The following ACTR3 variants were observed in gnomAD, a reference collection of about 807,000 sequenced individuals.
ACTR3 encodes actin related protein 3.
In ACTR3, 12 loss-of-function variants were observed where a neutral mutation model predicts 56.8. That is an observed-to-expected ratio of 0.21 (90% CI 0.14 to 0.34). The LOEUF (loss-of-function observed/expected upper bound fraction) is 0.34, where lower values mean the gene tolerates loss of function less well. ACTR3 is among the 10% of genes least tolerant of loss of function. The pLI is 1.00. For synonymous variants in ACTR3, 162 were observed against 167.4 expected (o/e 0.97, Z 0.25); for missense variants, 282 against 512.5 (o/e 0.55, Z 4.34).
intron 1 of ACTR3, among the ~76,000 whole-genome samples, chr2:113,906,810 TGTTA>T (rs1679201201): frequency 1.3e-5 from 2 of 151,498 alleles, no homozygotes. Flanking sequence ...CTCCTGATTC[TGTTA>T]GTTCTTATGC....
At chr2:113,917,141 C>A in intron 3 of ACTR3, 133 bp downstream of exon 3, 1 of 692,738 alleles carries the variant, frequency 1.4e-6, no homozygotes, top group Non-Finnish European at 2.1e-6. Flanking sequence ...TTTCTTTTTC[C>A]CTATGGCATC....
chr2:113,936,562 A>C (rs1559481633), intron 6 of ACTR3, among the ~76,000 whole-genome samples: 1 of 152,216 alleles, frequency 6.6e-6, no homozygotes, highest in Non-Finnish European at 1.5e-5. Context: ...ATTATACAAC[A>C]GCTTTGACCT....
At chr2:113,938,975 G>A (rs1679876445) in intron 6 of ACTR3, among the ~76,000 whole-genome samples, 1 of 151,770 alleles carries the variant, frequency 6.6e-6, no homozygotes, top group South Asian at 2.1e-4. Context: ...TTCTTAGAAA[G>A]TATCTCTGCC....
intron 5 of ACTR3, 86 bp from the exon 6 acceptor site, chr2:113,934,193 A>C: frequency 6.1e-6 from 5 of 824,586 alleles, no homozygotes; most frequent in South Asian, 1.6e-5. Context: ...TACTCCAGGG[A>C]ACTAGTTTTT....
intron 1 of ACTR3, among the ~76,000 whole-genome samples, chr2:113,908,254 T>G (rs899103925): frequency 5.4e-4 from 81 of 150,786 alleles, no homozygotes; most frequent in African/African-American, 1.8e-3. Flanking sequence ...GTTAGCAGTT[T>G]TTTTTTTTTT....
rs1678856217 is a variant in ACTR3, at chr2:113,890,173, C to T, written c.-107C>T. The T allele has an allele frequency of 3.5e-6, 5 of 1,442,816 alleles. No individual in the cohort carries two copies. The highest frequency in any genetic ancestry group is 2.8e-5 in the African/African-American group (2 of 70,356). The allele number at this position is 1,442,816 out of a possible 1,614,324, so 89.4% of individuals were successfully genotyped here. A position where few individuals can be genotyped will look rare whatever the true frequency, so the allele number is the denominator to read the frequency against. Reference sequence around the variant, plus strand: ...CCGGCTACCCCCCGGACGGTGAAGGCGGCCCAGCTGTGGATGGTCAGATAG... The same window carrying T: ...CCGGCTACCCCCCGGACGGTGAAGGTGGCCCAGCTGTGGATGGTCAGATAG... On this transcript the variant is annotated 5_prime_UTR_variant, in exon 1 of 12. Transcript: ENST00000263238.
At chr2:113,939,455 C>G (rs554829797) in intron 6 of ACTR3, among the ~76,000 whole-genome samples, 1 of 152,268 alleles carries the variant, frequency 6.6e-6, no homozygotes, top group Admixed American at 6.5e-5. Context: ...TTTTGCCACA[C>G]TATTTGTTAT....
chr2:113,907,004 G>GTCCCATCA (rs1679206959), intron 1 of ACTR3, among the ~76,000 whole-genome samples: 1 of 152,152 alleles, frequency 6.6e-6, no homozygotes, highest in South Asian at 2.1e-4. Context: ...ATTTTGATGG[G>GTCCCATCA]AAATGCTTGA....
intron 6 of ACTR3, 167 bp downstream of exon 6, chr2:113,934,553 A>C: frequency 2.3e-6 from 1 of 435,150 alleles, no homozygotes; most frequent in Non-Finnish European, 4.0e-6. Flanking sequence ...TTTTATAAAC[A>C]ATTCAAAATG....
chr2:113,915,202 G>T (rs1679381022), intron 2 of ACTR3, among the ~76,000 whole-genome samples: 1 of 152,194 alleles, frequency 6.6e-6, no homozygotes, highest in Non-Finnish European at 1.5e-5. Context: ...CAAACACTTA[G>T]AATTCTGGAG....
chr2:113,939,824 G>C, intron 6 of ACTR3, 135 bp from the exon 7 acceptor site: 1 of 647,444 alleles, frequency 1.5e-6, no homozygotes, highest in Non-Finnish European at 2.4e-6. Flanking sequence ...ATAAAGGTAA[G>C]TTCTGAGATA....
rs183790245 is a variant in ACTR3, at chr2:113,959,507, G to A, written c.*2052G>A. The A allele has an allele frequency of 6.6e-6, 1 of 152,110 alleles. No individual in the cohort carries two copies. Among genetic ancestry groups the A allele is most frequent in the East Asian group, 1.9e-4 (1 of 5,182 alleles). 9.4% of individuals were successfully genotyped at this position (152,110 alleles called of 1,614,324 possible). A position where few individuals can be genotyped will look rare whatever the true frequency, so the allele number is the denominator to read the frequency against. On this transcript the variant is annotated 3_prime_UTR_variant, in exon 12 of 12. Transcript: ENST00000263238. ...TATTTATACAGAGATGTTCTTAACTGTTTGCTACAAAAACATGAAGATCAA... is the reference window on the plus strand; with the variant it reads ...TATTTATACAGAGATGTTCTTAACTATTTGCTACAAAAACATGAAGATCAA...
intron 8 of ACTR3, chr2:113,951,274 A>G (rs569341197): frequency 4.9e-5 from 22 of 451,676 alleles, no homozygotes; most frequent in Middle Eastern, 6.6e-4. Flanking sequence ...CATGTTTGCT[A>G]TTCTGATAGT....
chr2:113,890,848 T>C, intron 1 of ACTR3: 2 of 959,656 alleles, frequency 2.1e-6, no homozygotes, highest in Non-Finnish European at 2.5e-6. Context: ...AGAATCGGAC[T>C]CTGAAAATGG....
At chr2:113,956,877 G>A (rs1049552268) in intron 11 of ACTR3, among the ~76,000 whole-genome samples, 22 of 152,144 alleles carry the variant, frequency 1.4e-4, no homozygotes, top group African/African-American at 5.3e-4. Context: ...GAGAAATGAG[G>A]TAACACAGCA....
At chr2:113,892,359 A>G (rs544508990) in intron 1 of ACTR3, among the ~76,000 whole-genome samples, 1 of 152,374 alleles carries the variant, frequency 6.6e-6, no homozygotes, top group Admixed American at 6.5e-5. Context: ...GGTTTCTCCA[A>G]TAAGGAGAGG....
intron 3 of ACTR3, among the ~76,000 whole-genome samples, chr2:113,920,695 C>G (rs756566756): frequency 6.6e-6 from 1 of 152,170 alleles, no homozygotes; most frequent in Non-Finnish European, 1.5e-5. Flanking sequence ...TCTCTACTTA[C>G]ATGAAGTCAA....
At chr2:113,892,412 G>C (rs150937367) in intron 1 of ACTR3, among the ~76,000 whole-genome samples, 1 of 152,340 alleles carries the variant, frequency 6.6e-6, no homozygotes, top group African/African-American at 2.4e-5. Context: ...CTGATTAGGA[G>C]TCCCCTTGCC....
rs1457638099 is a variant in ACTR3, at chr2:113,961,592, A to G, written c.*4137A>G. The G allele has an allele frequency of 6.6e-6, 1 of 151,992 alleles. No individual in the cohort carries two copies. Among genetic ancestry groups the G allele is most frequent in the African/African-American group, 2.4e-5 (1 of 41,434 alleles). The allele number at this position is 151,992 out of a possible 1,614,324, so 9.4% of individuals were successfully genotyped here. A position where few individuals can be genotyped will look rare whatever the true frequency, so the allele number is the denominator to read the frequency against. ...TTTATTCAAGCACCAACATTCACTTATATTACCTATATATTGCATCAAGTT... is the reference window on the plus strand; with the variant it reads ...TTTATTCAAGCACCAACATTCACTTGTATTACCTATATATTGCATCAAGTT... On this transcript the variant is annotated 3_prime_UTR_variant, in exon 12 of 12. Coordinates refer to ENST00000263238, the MANE Select transcript of ACTR3 (RefSeq NM_005721.5).
Sources: gnomAD v4.1 joint callset for allele counts (sites outside exome capture counted in the v4.1 genomes callset) on GRCh38, gnomAD v4.1.1 for gene constraint, MANE v1.5 for transcripts, NCBI Gene and HGNC (gene_info 2026-07-23, HGNC 2026-07-21) for gene names.